RCOR1: variants seen among roughly 807,000 people sequenced by gnomAD.
The protein encoded by RCOR1 is REST corepressor.
RCOR1 carries 12 observed loss-of-function variants against 64.0 expected under a neutral mutation model. The observed-to-expected ratio is 0.19, with a 90% CI of 0.12 to 0.30. The LOEUF is 0.30. Among genes scored for constraint, RCOR1 ranks in the 10% least tolerant of loss-of-function variants. The probability of loss-of-function intolerance (pLI) is 1.00; values close to 1 mark genes in which losing one functional copy is unlikely to be tolerated. For synonymous variants in RCOR1, 279 were observed against 227.2 expected (o/e 1.23, Z -2.05); for missense variants, 502 against 621.2 (o/e 0.81, Z 2.04).
intron 2 of RCOR1, among the ~76,000 whole-genome samples, chr14:102,611,143 C>G (rs1345172265): frequency 6.6e-6 from 1 of 152,064 alleles, no homozygotes; most frequent in Admixed American, 6.6e-5. Context: ...GATCTTGGCT[C>G]ACTGCAGCCT....
At chr14:102,678,766 G>T (rs1238134327) in intron 2 of RCOR1, among the ~76,000 whole-genome samples, 1 of 152,170 alleles carries the variant, frequency 6.6e-6, no homozygotes, top group African/African-American at 2.4e-5. Context: ...GAGAATTTCA[G>T]TTGTTCCCAT....
In RCOR1 at chr14:102,652,358, T is replaced by C. The variant is rs183572048; in HGVS notation, c.362-29537T>C. ...GCTGCGTTAAAGAATGACTTAACAG[T>C]GAACACCTTAAGTCTTCATTGCCCA... is the stretch of plus-strand genomic sequence containing the variant. On this transcript the variant is annotated intron_variant, in intron 2 of 11. Transcript: ENST00000262241. Among the ~76,000 whole-genome samples, 940 of 152,344 alleles carry C rather than the reference T, an allele frequency of 6.2e-3. 4 individuals carry two copies. The highest frequency in any genetic ancestry group is 8.8e-3 in the Non-Finnish European group (599 of 68,040).
At chr14:102,646,655 G>T (rs983240427) in intron 2 of RCOR1, among the ~76,000 whole-genome samples, 1 of 152,230 alleles carries the variant, frequency 6.6e-6, no homozygotes, top group Non-Finnish European at 1.5e-5. Context: ...GTGGGAAGAG[G>T]AAGTGTGGAA....
intron 3 of RCOR1, among the ~76,000 whole-genome samples, chr14:102,684,955 T>C (rs1021008088): frequency 6.6e-6 from 1 of 152,236 alleles, no homozygotes; most frequent in African/African-American, 2.4e-5. Flanking sequence ...GAAGTCTTGG[T>C]TGTCCAGCAT....
intron 2 of RCOR1, among the ~76,000 whole-genome samples, chr14:102,648,353 A>G (rs1894518051): frequency 6.6e-6 from 1 of 152,248 alleles, no homozygotes; most frequent in African/African-American, 2.4e-5. Context: ...TGCTGGGATT[A>G]CAGGCATGAG....
chr14:102,683,766 G>A (rs1895353747), intron 3 of RCOR1, among the ~76,000 whole-genome samples: 1 of 152,248 alleles, frequency 6.6e-6, no homozygotes, highest in Non-Finnish European at 1.5e-5. Context: ...CTCGGGCCCA[G>A]TGCTGCTTCC....
At chr14:102,656,043 C>T (rs1894717119) in intron 2 of RCOR1, 1 of 984,752 alleles carries the variant, frequency 1.0e-6, no homozygotes. Flanking sequence ...TAAGATTAAG[C>T]TTGTGTAAGT....
At chr14:102,623,565 C>T (rs1044447680) in intron 2 of RCOR1, among the ~76,000 whole-genome samples, 3 of 151,508 alleles carry the variant, frequency 2.0e-5, no homozygotes, top group South Asian at 2.1e-4. Context: ...CCCACCACCA[C>T]GCCTGGCTAA....
intron 2 of RCOR1, among the ~76,000 whole-genome samples, chr14:102,599,130 T>C (rs1350797193): frequency 6.8e-6 from 1 of 147,306 alleles, no homozygotes; most frequent in Non-Finnish European, 1.5e-5. Flanking sequence ...TTTTCTTTCC[T>C]TTTTTTTCCT....
chr14:102,594,292 C>T (rs144701947), intron 2 of RCOR1, among the ~76,000 whole-genome samples: 14 of 152,302 alleles, frequency 9.2e-5, no homozygotes, highest in Middle Eastern at 3.4e-3. Context: ...AGTTAACAAT[C>T]CTCCATGGTT....
intron 2 of RCOR1, among the ~76,000 whole-genome samples, chr14:102,606,778 G>A (rs1463894772): frequency 6.6e-6 from 1 of 151,526 alleles, no homozygotes; most frequent in Non-Finnish European, 1.5e-5. Flanking sequence ...TGGGATTACA[G>A]GTGTGAGGCA....
chr14:102,693,736 G>A (rs937732652), intron 3 of RCOR1, among the ~76,000 whole-genome samples: 2 of 152,220 alleles, frequency 1.3e-5, no homozygotes, highest in Non-Finnish European at 1.5e-5. Context: ...GAAAGTTGGG[G>A]AAAAGTCCTC....
At chr14:102,608,253 C>T (rs1388789868) in intron 2 of RCOR1, among the ~76,000 whole-genome samples, 1 of 152,108 alleles carries the variant, frequency 6.6e-6, no homozygotes, top group Non-Finnish European at 1.5e-5. Flanking sequence ...AACCACTAAC[C>T]TGCTTTTTGT....
intron 8 of RCOR1, among the ~76,000 whole-genome samples, chr14:102,720,223 G>C (rs1269830321): frequency 6.6e-6 from 1 of 152,138 alleles, no homozygotes; most frequent in African/African-American, 2.4e-5. Flanking sequence ...CCTGGTGCTT[G>C]ACACGGATAT....
intron 9 of RCOR1, 50 bp from the exon 10 acceptor site, chr14:102,721,270 A>G (rs375033839): frequency 2.0e-6 from 3 of 1,493,908 alleles, no homozygotes; most frequent in East Asian, 2.3e-5. Flanking sequence ...TCATAAGGAC[A>G]TACTCATCTC....
At chr14:102,593,211 C>T (rs1893169807) in intron 1 of RCOR1, 24 bp downstream of exon 1, 4 of 1,475,876 alleles carry the variant, frequency 2.7e-6, no homozygotes, top group Admixed American at 2.8e-5. Flanking sequence ...GCCCCCGCGG[C>T]CCCGGGCCCC....
At chr14:102,600,263 A>G (rs960435419) in intron 2 of RCOR1, among the ~76,000 whole-genome samples, 3 of 147,840 alleles carry the variant, frequency 2.0e-5, no homozygotes, top group African/African-American at 7.5e-5. Flanking sequence ...AATTTTTTAT[A>G]TTTTTAGTAG....
At chr14:102,649,112 A>C (rs1460141065) in intron 2 of RCOR1, among the ~76,000 whole-genome samples, 1 of 152,180 alleles carries the variant, frequency 6.6e-6, no homozygotes, top group Non-Finnish European at 1.5e-5. Flanking sequence ...AATCACACAT[A>C]ATCACACCAC....
chr14:102,708,194 T>A (rs1352915012), intron 5 of RCOR1, among the ~76,000 whole-genome samples: 1 of 152,280 alleles, frequency 6.6e-6, no homozygotes, highest in East Asian at 1.9e-4. Flanking sequence ...CTCGATCTCT[T>A]GACCTCGTGA....
Sources: gnomAD v4.1 joint callset for allele counts (sites outside exome capture counted in the v4.1 genomes callset) on GRCh38, gnomAD v4.1.1 for gene constraint, MANE v1.5 for transcripts, NCBI Gene and HGNC (gene_info 2026-07-23, HGNC 2026-07-21) for gene names.